Variants in MAN1C1 observed in about 807,000 individuals in gnomAD.
The protein encoded by MAN1C1 is mannosidase alpha class 1C member 1, also known as mannosyl-oligosaccharide 1,2-alpha-mannosidase IC.
MAN1C1 carries 49 observed loss-of-function variants against 71.5 expected under a neutral mutation model. That is an observed-to-expected ratio of 0.69 (90% CI 0.54 to 0.87). MAN1C1 has a LOEUF of 0.87. Ranked by LOEUF, MAN1C1 falls within the 40% of genes least tolerant of loss-of-function variation. The pLI is 0.00. For synonymous variants in MAN1C1, 352 were observed against 343.7 expected (o/e 1.02, Z -0.27); for missense variants, 743 against 835.0 (o/e 0.89, Z 1.36).
At chr1:25,697,666 CA>C (rs2046386328) in intron 2 of MAN1C1, among the ~76,000 whole-genome samples, 1 of 152,140 alleles carries the variant, frequency 6.6e-6, no homozygotes, top group Non-Finnish European at 1.5e-5. Context: ...AAATTCCCAC[CA>C]GGGGTGTTTA....
chr1:25,751,954 C>T (rs1399995234), intron 4 of MAN1C1, among the ~76,000 whole-genome samples: 1 of 152,116 alleles, frequency 6.6e-6, no homozygotes, highest in Non-Finnish European at 1.5e-5. Context: ...CAGTGGGTGC[C>T]TGTTGGGTGG....
chr1:25,658,815 T>C, intron 1 of MAN1C1: 1 of 152,848 alleles, frequency 6.5e-6, no homozygotes, highest in Non-Finnish European at 1.5e-5. Flanking sequence ...GCTCAGCCGA[T>C]TGCCACTTAT....
intron 1 of MAN1C1, among the ~76,000 whole-genome samples, chr1:25,665,657 G>T (rs2045912385): frequency 6.6e-6 from 1 of 152,000 alleles, no homozygotes; most frequent in Admixed American, 6.6e-5. Context: ...GATCACTGAT[G>T]GAGAAAACAG....
chr1:25,714,408 G>T (rs945619937), intron 2 of MAN1C1, among the ~76,000 whole-genome samples: 3 of 152,104 alleles, frequency 2.0e-5, no homozygotes, highest in African/African-American at 7.2e-5. Flanking sequence ...AAACTATTCT[G>T]GCTCTTATTC....
At chr1:25,628,287 A>G (rs190069329) in intron 1 of MAN1C1, among the ~76,000 whole-genome samples, 12 of 151,648 alleles carry the variant, frequency 7.9e-5, no homozygotes, top group Admixed American at 7.2e-4. Flanking sequence ...TTATTTTTAA[A>G]TATTTTTAAA....
intron 2 of MAN1C1, among the ~76,000 whole-genome samples, chr1:25,732,651 C>A (rs2046925193): frequency 6.6e-6 from 1 of 152,186 alleles, no homozygotes; most frequent in South Asian, 2.1e-4. Flanking sequence ...GATGAGGAAA[C>A]TGAGGCAGCT....
chr1:25,659,540 A>G (rs3767898), intron 1 of MAN1C1, among the ~76,000 whole-genome samples: 13,335 of 152,240 alleles, frequency 0.088, 1,301 homozygotes, highest in East Asian at 0.23. Flanking sequence ...ATATAATTCA[A>G]AAGAAATCTT....
At chr1:25,686,318 G>T in intron 1 of MAN1C1, 122 bp from the exon 2 acceptor site, 1 of 784,212 alleles carries the variant, frequency 1.3e-6, no homozygotes, top group Non-Finnish European at 2.2e-6. Flanking sequence ...TCTCCAATTT[G>T]GAAAATTTGG....
chr1:25,735,484 A>G lies in MAN1C1; in HGVS notation c.638-11184A>G, dbSNP rs1012244284. On this transcript the variant is annotated intron_variant, in intron 2 of 11. Transcript: ENST00000374332. The surrounding 1 kb of genome is among the most constrained non-coding windows in gnomAD (Gnocchi z 4.6). Reference sequence around the variant, plus strand: ...TGTATCTATATATGTGTATGTATATATGTGTGTATATGTGTGTATGTATGT... The same window carrying G: ...TGTATCTATATATGTGTATGTATATGTGTGTGTATATGTGTGTATGTATGT... Among the ~76,000 whole-genome samples the G allele has an allele frequency of 6.6e-6, 1 of 152,092 alleles. No homozygotes were observed. Among genetic ancestry groups the G allele is most frequent in the Admixed American group, 6.5e-5 (1 of 15,268 alleles).
At chr1:25,668,475 G>A (rs187113054) in intron 1 of MAN1C1, among the ~76,000 whole-genome samples, 1 of 152,242 alleles carries the variant, frequency 6.6e-6, no homozygotes, top group Non-Finnish European at 1.5e-5. Context: ...GGTGGGGAGA[G>A]GTAGAGAAAA....
intron 1 of MAN1C1, among the ~76,000 whole-genome samples, chr1:25,642,148 A>G (rs2045546168): frequency 6.6e-6 from 1 of 152,130 alleles, no homozygotes; most frequent in South Asian, 2.1e-4. Context: ...GCTTGTCCCG[A>G]AGTCGATTTC....
chr1:25,691,695 CT>C (rs2046311578), intron 2 of MAN1C1, among the ~76,000 whole-genome samples: 1 of 152,196 alleles, frequency 6.6e-6, no homozygotes, highest in Non-Finnish European at 1.5e-5. Flanking sequence ...CTGATTCCCC[CT>C]GTTTTTTCCC....
intron 1 of MAN1C1, among the ~76,000 whole-genome samples, chr1:25,652,743 G>A (rs1016961652): frequency 9.2e-5 from 14 of 152,310 alleles, no homozygotes; most frequent in Admixed American, 7.2e-4. Flanking sequence ...GTGACAGTGG[G>A]ATCACCCTCG....
At chr1:25,720,948 C>T (rs1300076042) in intron 2 of MAN1C1, among the ~76,000 whole-genome samples, 1 of 152,160 alleles carries the variant, frequency 6.6e-6, no homozygotes, top group African/African-American at 2.4e-5. Flanking sequence ...ATTGAGTTGT[C>T]TTAGCATCCT....
chr1:25,618,664 T>C lies in MAN1C1; in HGVS notation c.540+327T>C, dbSNP rs2045155922. On this transcript the variant is annotated intron_variant, in intron 1 of 11. Transcript: ENST00000374332. The stretch of plus-strand genomic sequence containing the variant: ...CCCAGTGAGCTCCACTCCTTCCCTT[T>C]GTGGAGTTGCTAATGAGAGTGGAGT... Among the ~76,000 whole-genome samples, 5 of 152,180 alleles carry C rather than the reference T, an allele frequency of 3.3e-5. No homozygotes were observed. In the South Asian group the frequency reaches 1.0e-3, roughly 32 times the overall value.
intron 5 of MAN1C1, among the ~76,000 whole-genome samples, chr1:25,755,578 G>A (rs1016578025): frequency 3.9e-5 from 6 of 152,348 alleles, no homozygotes; most frequent in Admixed American, 6.5e-5. Context: ...ACGTGAGCAC[G>A]TGACATGGAT....
At chr1:25,770,184 T>A (rs1473887108) in intron 7 of MAN1C1, among the ~76,000 whole-genome samples, 1 of 152,148 alleles carries the variant, frequency 6.6e-6, no homozygotes, top group Admixed American at 6.5e-5. Context: ...GTGCCACTTC[T>A]CTCTTCCCTC....
intron 1 of MAN1C1, 69 bp from the exon 2 acceptor site, chr1:25,686,371 C>A: frequency 7.5e-7 from 1 of 1,335,190 alleles, no homozygotes; most frequent in Non-Finnish European, 1.1e-6. Context: ...AGGGGCAAAG[C>A]CAGGCGGCCA....
chr1:25,623,058 C>CT (rs1323403094), intron 1 of MAN1C1, among the ~76,000 whole-genome samples: 2 of 152,182 alleles, frequency 1.3e-5, no homozygotes, highest in Non-Finnish European at 2.9e-5. Flanking sequence ...GATCCTTTCC[C>CT]TTCTCCCTGG....
Sources: gnomAD v4.1 joint callset for allele counts (sites outside exome capture counted in the v4.1 genomes callset) on GRCh38, gnomAD v4.1.1 for gene constraint, Gnocchi (gnomAD v3.1) non-coding constraint, MANE v1.5 for transcripts, NCBI Gene and HGNC (gene_info 2026-07-23, HGNC 2026-07-21) for gene names.